Variants in RSRC1 observed in about 807,000 individuals in gnomAD.
The protein encoded by RSRC1 is arginine and serine rich coiled-coil 1, also known as serine/Arginine-related protein 53.
In RSRC1, 39 loss-of-function variants were observed where a neutral mutation model predicts 49.1. That is an observed-to-expected ratio of 0.79 (90% CI 0.61 to 1.04). The LOEUF is 1.04. Among genes scored for constraint, RSRC1 ranks in the 50% least tolerant of loss-of-function variants. RSRC1 has a pLI of 0.00. For synonymous variants in RSRC1, 143 were observed against 130.8 expected (o/e 1.09, Z -0.63); for missense variants, 388 against 402.4 (o/e 0.96, Z 0.31).
rs189606015 is a variant in RSRC1 at position 158,216,617 on chromosome 3, A to G, written c.494+13372A>G. Among the ~76,000 whole-genome samples the G allele has an allele frequency of 2.0e-5, 3 of 151,692 alleles. No homozygotes were observed. In the East Asian group the frequency reaches 5.9e-4, roughly 30 times the overall value. The stretch of plus-strand genomic sequence containing the variant: ...ATTGCTAACTCTTACAGGCCATCAA[A>G]CAAACAAAAAATTGTTTAAAAAAAT... On this transcript the variant is annotated intron_variant, in intron 4 of 9. Transcript: ENST00000611884.
chr3:158,270,085 C>T (rs1045822157), intron 4 of RSRC1, among the ~76,000 whole-genome samples: 2 of 151,954 alleles, frequency 1.3e-5, no homozygotes, highest in Admixed American at 6.6e-5. Flanking sequence ...TTCAAGACAC[C>T]AGGTTGCTTG....
chr3:158,527,523 T>G (rs190205027), intron 7 of RSRC1, among the ~76,000 whole-genome samples: 3 of 152,070 alleles, frequency 2.0e-5, no homozygotes, highest in Admixed American at 2.0e-4. Flanking sequence ...TCTTTTCATT[T>G]TACTACCATC....
chr3:158,543,867 A>G (rs1347058808), intron 9 of RSRC1, among the ~76,000 whole-genome samples: 1 of 152,166 alleles, frequency 6.6e-6, no homozygotes, highest in East Asian at 1.9e-4. Flanking sequence ...CACATCACTA[A>G]CATCATACTT....
chr3:158,242,798 A>G (rs1489648503), intron 4 of RSRC1, among the ~76,000 whole-genome samples: 4 of 152,036 alleles, frequency 2.6e-5, no homozygotes, highest in East Asian at 3.9e-4. Context: ...GCATTTCTCT[A>G]ATAATCTGTG....
At chr3:158,517,144 A>C (rs1740606034) in intron 7 of RSRC1, among the ~76,000 whole-genome samples, 1 of 151,936 alleles carries the variant, frequency 6.6e-6, no homozygotes, top group Non-Finnish European at 1.5e-5. Context: ...ATTTATTCCT[A>C]GTTGCCTTAT....
intron 1 of RSRC1, among the ~76,000 whole-genome samples, chr3:158,113,816 G>C (rs1714591252): frequency 6.6e-6 from 1 of 152,050 alleles, no homozygotes; most frequent in African/African-American, 2.4e-5. Flanking sequence ...AGAAGTGTCT[G>C]TTCATGTTCT....
chr3:158,422,142 G>A (rs1369433282), intron 6 of RSRC1, among the ~76,000 whole-genome samples: 7 of 150,878 alleles, frequency 4.6e-5, no homozygotes, highest in African/African-American at 1.7e-4. Context: ...AGTTACATAT[G>A]TATACATGTG....
intron 7 of RSRC1, among the ~76,000 whole-genome samples, chr3:158,517,791 T>TG (rs1740657014): frequency 2.7e-4 from 36 of 132,854 alleles, no homozygotes; most frequent in Admixed American, 3.7e-4. Context: ...TTTTTTTTTT[T>TG]TTGTTGAGAC....
At chr3:158,249,853 A>G (rs552879051) in intron 4 of RSRC1, among the ~76,000 whole-genome samples, 1 of 152,060 alleles carries the variant, frequency 6.6e-6, no homozygotes, top group Non-Finnish European at 1.5e-5. Flanking sequence ...GTTATTTTTG[A>G]ATGTGTAATA....
At chr3:158,419,464 T>A (rs931803131) in intron 6 of RSRC1, among the ~76,000 whole-genome samples, 4 of 151,976 alleles carry the variant, frequency 2.6e-5, no homozygotes, top group Non-Finnish European at 5.9e-5. Context: ...TTGAGTTCTG[T>A]TTTTGTTCAT....
chr3:158,527,077 C>CTTT (rs543523088), intron 7 of RSRC1, among the ~76,000 whole-genome samples: 16 of 110,168 alleles, frequency 1.5e-4, no homozygotes, highest in Non-Finnish European at 2.2e-4. Flanking sequence ...AGTTCAAAAT[C>CTTT]TTTTTTTTTT....
chr3:158,516,207 T>C (rs562090940), intron 7 of RSRC1, among the ~76,000 whole-genome samples: 22 of 152,164 alleles, frequency 1.4e-4, no homozygotes, highest in Non-Finnish European at 2.8e-4. Context: ...TCTGCTCTGT[T>C]TTTTCCCCAT....
intron 4 of RSRC1, among the ~76,000 whole-genome samples, chr3:158,240,237 T>C (rs1324789665): frequency 6.6e-6 from 1 of 152,196 alleles, no homozygotes; most frequent in Middle Eastern, 3.2e-3. Context: ...GGAATTCTGC[T>C]AATATTTTAT....
intron 3 of RSRC1, among the ~76,000 whole-genome samples, chr3:158,173,999 A>C (rs141185393): frequency 6.6e-6 from 1 of 151,922 alleles, no homozygotes; most frequent in Non-Finnish European, 1.5e-5. Context: ...CTCTGGGTGA[A>C]GAAAATGCTC....
chr3:158,118,608 G>T (rs1048064420), intron 1 of RSRC1, among the ~76,000 whole-genome samples: 3 of 152,038 alleles, frequency 2.0e-5, no homozygotes, highest in Admixed American at 2.0e-4. Context: ...TGTTCTTGAA[G>T]TTTTCTTCTG....
At chr3:158,315,474 T>C (rs957327446) in intron 5 of RSRC1, among the ~76,000 whole-genome samples, 1 of 152,196 alleles carries the variant, frequency 6.6e-6, no homozygotes, top group Non-Finnish European at 1.5e-5. Context: ...GCTATATGAT[T>C]TGTTCAAGAT....
At position 158,327,461 on chromosome 3, in the gene RSRC1, C is replaced by A. The variant is rs1687801057; in HGVS notation, c.532-27396C>A. ...TGTTCTCATTGGTTTCAAAGAACAT[C>A]TTTATTTCTGCCTTCATTTCATTAT... On this transcript the variant is annotated intron_variant, in intron 5 of 9. Transcript: ENST00000611884. 1.3e-5 allele frequency among the ~76,000 whole-genome samples: 2 copies of A among 152,180 alleles called. 1 individual carries two copies. The highest frequency in any genetic ancestry group is 4.1e-4 in the South Asian group (2 of 4,828).
intron 7 of RSRC1, among the ~76,000 whole-genome samples, chr3:158,486,001 G>A (rs912250713): frequency 1.3e-5 from 2 of 152,050 alleles, no homozygotes; most frequent in African/African-American, 2.4e-5. Context: ...AAATCATAAC[G>A]TTCATTCAAA....
chr3:158,457,304 A>C (rs908094463), intron 6 of RSRC1, among the ~76,000 whole-genome samples: 21 of 152,334 alleles, frequency 1.4e-4, no homozygotes, highest in African/African-American at 4.8e-4. Context: ...GTTCCGGTAC[A>C]ATCAGCTGGT....
Sources: allele counts gnomAD v4.1 joint callset (sites outside exome capture counted in the v4.1 genomes callset), GRCh38; gene constraint gnomAD v4.1.1; transcripts MANE v1.5; gene names NCBI Gene and HGNC (gene_info 2026-07-23, HGNC 2026-07-21).